The following AATK variants were observed in gnomAD, a reference collection of about 807,000 sequenced individuals.
AATK encodes the protein lemur tail kinase 1.
Under a neutral mutation model 114.3 loss-of-function variants are expected in AATK, and 91 were observed. The ratio of observed to expected loss-of-function variants is 0.80; its 90% CI spans 0.67 to 0.95. The LOEUF is 0.95. Ranked by LOEUF, AATK falls within the 40% of genes least tolerant of loss-of-function variation. The pLI is 0.00. For synonymous variants in AATK, 1,075 were observed against 916.5 expected (o/e 1.17, Z -3.12); for missense variants, 2,176 against 1,965.2 (o/e 1.11, Z -2.03).
At chr17:81,142,917 C>T (rs148950306) in intron 1 of AATK, among the ~76,000 whole-genome samples, 52 of 152,372 alleles carry the variant, frequency 3.4e-4, no homozygotes, top group African/African-American at 1.1e-3. Context: ...ATTTTACACA[C>T]GCAGTGGAAA....
In AATK at chr17:81,120,558, C is replaced by T; in HGVS notation, c.3378G>A (p.Gly1126=). The T allele has an allele frequency of 6.6e-7, 1 of 1,510,192 alleles. No homozygotes were observed. The highest frequency in any genetic ancestry group is 8.9e-7 in the Non-Finnish European group (1 of 1,129,468). 93.5% of individuals were successfully genotyped at this position (1,510,192 alleles called of 1,614,324 possible). A position where few individuals can be genotyped will look rare whatever the true frequency, so the allele number is the denominator to read the frequency against. The change falls in exon 11 of 14, where the codon GGG becomes GGA. Residue 1126 remains glycine (G), a synonymous_variant. Transcript: ENST00000326724. ...EFQGPPGLLS[G]PAPQKRMGGP... is the part of the protein sequence containing the mutation. ...CCCCCATCCGCTTTTGTGGGGCCGG[C>T]CCTGACAACAGTCCTGGGGGCCCCT...
rs535455644 is a variant in AATK at position 81,126,571 on chromosome 17, G to C, written c.622-11C>G. 3.9e-6 allele frequency: 6 copies of C among 1,533,934 alleles called. No homozygotes were observed. The highest frequency in any genetic ancestry group is 5.3e-6 in the Non-Finnish European group (6 of 1,134,112). On this transcript the variant is annotated splice_polypyrimidine_tract_variant and intron_variant, in intron 6 of 13. Transcript: ENST00000326724. The surrounding 1 kb of genome is among the most constrained non-coding windows in gnomAD (Gnocchi z 5.1). Reference sequence around the variant, plus strand: ...GCCCTTGAGGTCCCCCTGCAGAAAGGGGGTGTGGCGCAGTCACCAGCAGGC... The same window carrying C: ...GCCCTTGAGGTCCCCCTGCAGAAAGCGGGTGTGGCGCAGTCACCAGCAGGC...
In AATK at chr17:81,121,570, G is replaced by A. The variant is rs1761627374; in HGVS notation, c.2366C>T (p.Thr789Ile). ...EPKLATEAEG[T>I]TGPRLPLPSV... ...AGGAAGGGGCAGGCGGGGTCCGGTA[G>A]TGCCCTCAGCCTCCGTGGCAAGCTT... Residue 789 changes from threonine to isoleucine, a missense_variant, in exon 11 of 14, where the codon ACT becomes ATT. Transcript: ENST00000326724. 6.6e-7 allele frequency: 1 copy of A among 1,515,166 alleles called. No individual in the cohort carries two copies. The highest frequency in any genetic ancestry group is 1.3e-5 in the South Asian group (1 of 76,320). 93.9% of individuals were successfully genotyped at this position (1,515,166 alleles called of 1,614,324 possible).
In AATK at chr17:81,123,229, G is replaced by C. The variant is rs984767761; in HGVS notation, c.1077C>G (p.Pro359=). The C allele has an allele frequency of 9.1e-6, 13 of 1,424,422 alleles. No individual in the cohort carries two copies. The highest frequency in any genetic ancestry group is 1.1e-5 in the Non-Finnish European group (12 of 1,089,938). 88.2% of individuals were successfully genotyped at this position (1,424,422 alleles called of 1,614,324 possible). ...YTVREQQLKL[P]KPQLQLTLSD... ...ACAGGGTCAGCTGCAGCTGGGGCTT[G>C]GGCAGCTTGAGCTGCTGCTCCCGGA... Residue 359 remains proline, a synonymous_variant, in exon 10 of 14, where the codon CCC becomes CCG. Transcript: ENST00000326724.
At position 81,122,831 on chromosome 17, in the gene AATK, G is replaced by A. The variant is rs1441279147; in HGVS notation, c.1113-8C>T. On this transcript the variant is annotated splice_polypyrimidine_tract_variant and splice_region_variant and intron_variant, in intron 10 of 13. Coordinates refer to ENST00000326724, the MANE Select transcript of AATK (RefSeq NM_001080395.3). ...AACTGCATCACCTCGTACCTGCGAG[G>A]AGGTCCCCCGGGGGCCACGTCAGAG... 2.0e-6 allele frequency: 3 copies of A among 1,500,944 alleles called. No homozygotes were observed. The South Asian group carries it at 3.8e-5, about 19-fold the overall frequency. 93.0% of individuals were successfully genotyped at this position (1,500,944 alleles called of 1,614,324 possible).
At position 81,122,819 on chromosome 17, in the gene AATK, C is replaced by G. The variant is rs778715757; in HGVS notation, c.1117G>C (p.Glu373Gln). 6 of 1,538,434 alleles carry G rather than the reference C, an allele frequency of 3.9e-6. No homozygotes were observed. The highest frequency in any genetic ancestry group is 1.7e-4 in the Middle Eastern group (1 of 5,900). Residue 373 changes from glutamate (E) to glutamine (Q), a missense_variant, in exon 11 of 14, where the codon GAG becomes CAG. Glu to Gln is a conservative substitution (Grantham distance 29). Transcript: ENST00000326724. Reference sequence around the variant, plus strand: ...TGCAGCCAGCAGAACTGCATCACCTCGTACCTGCGAGGAGGTCCCCCGGGG... The same window carrying G: ...TGCAGCCAGCAGAACTGCATCACCTGGTACCTGCGAGGAGGTCCCCCGGGG... ...LQLTLSDRWY[E>Q]VMQFCWLQPE...
chr17:81,158,803 A>AC (rs2061397138), intron 1 of AATK, among the ~76,000 whole-genome samples: 1 of 152,218 alleles, frequency 6.6e-6, no homozygotes, highest in Non-Finnish European at 1.5e-5. Context: ...TTATAAAAAC[A>AC]GCAGCCAGCA....
chr17:81,128,819 G>T (rs2060887397), intron 3 of AATK: 1 of 1,251,180 alleles, frequency 8.0e-7, no homozygotes, highest in South Asian at 1.7e-5. Flanking sequence ...CACTGGGATA[G>T]CCCGGCCAGG....
In AATK at chr17:81,134,330, G is replaced by A. The variant is rs371187361; in HGVS notation, c.189+38C>T. The A allele has an allele frequency of 3.4e-5, 55 of 1,610,350 alleles. 1 individual carries two copies. Among genetic ancestry groups the A allele is most frequent in the Admixed American group, 8.4e-5 (5 of 59,760 alleles). On this transcript the variant is annotated intron_variant, in intron 2 of 13. Transcript: ENST00000326724. ...AGTGGACGCTACAGGCCTTGCCTGC[G>A]GGATCCCACGACAGCTCCCGCGGCC... is the stretch of plus-strand genomic sequence containing the variant.
chr17:81,144,620 G>A (rs912724003), intron 1 of AATK, among the ~76,000 whole-genome samples: 8 of 152,248 alleles, frequency 5.3e-5, no homozygotes, highest in Admixed American at 1.3e-4. Context: ...CATTTCCAGC[G>A]TGGGAGGAGT....
Position 81,127,670 on chromosome 17 carries a change from C to T in AATK, c.534G>A (p.Arg178=). The T allele has an allele frequency of 6.3e-7, 1 of 1,583,028 alleles. No homozygotes were observed. The highest frequency in any genetic ancestry group is 2.3e-5 in the East Asian group (1 of 43,276). Residue 178 remains arginine, a splice_region_variant and synonymous_variant, in exon 6 of 14, where the codon AGG becomes AGA. Coordinates refer to ENST00000326724, the MANE Select transcript of AATK (RefSeq NM_001080395.3). ...MQFLEEVQPY[R]ALKHSNLLQC... ...GGAGCAGGTTGCTGTGCTTCAGGGC[C>T]CTGCGGGAGTGGACAGGCGGCCCCT...
In AATK at chr17:81,122,085, C is replaced by A; in HGVS notation, c.1851G>T (p.Leu617=). Residue 617 remains leucine (L), a synonymous_variant, in exon 11 of 14, where the codon CTG becomes CTT. Transcript: ENST00000326724. ...SRSPSPSAGP[L]SLAEGGAEDA... ...CCTCCGCTCCTCCCTCCGCCAGACT[C>A]AGGGGCCCCGCCGAGGGCGAGGGAG... 1 of 1,579,650 alleles carries A rather than the reference C, an allele frequency of 6.3e-7. No homozygotes were observed. Among genetic ancestry groups the A allele is most frequent in the South Asian group, 1.1e-5 (1 of 88,840 alleles).
At chr17:81,119,614 C>G (rs1456498863) in intron 12 of AATK, 34 bp from the exon 13 acceptor site, 3 of 1,531,496 alleles carry the variant, frequency 2.0e-6, no homozygotes, top group Admixed American at 4.1e-5. Context: ...CTCGCGCTCA[C>G]AGCCTGGGAC....
intron 1 of AATK, among the ~76,000 whole-genome samples, chr17:81,159,709 C>T (rs2061407688): frequency 6.6e-6 from 1 of 151,934 alleles, no homozygotes; most frequent in Admixed American, 6.5e-5. Context: ...GTCGGAGGAT[C>T]CTCACACCGA....
rs750722905 is a variant in AATK, at chr17:81,120,504, G to A, written c.3432C>T (p.Arg1144=). The change falls in exon 11 of 14, where the codon CGC becomes CGT. Residue 1144 remains arginine, a synonymous_variant. Transcript: ENST00000326724. ...GGPGTPRAPL[R]LALPGLPAAL... is the part of the protein sequence containing the mutation. ...CCGCAGGGAGGCCGGGCAGAGCCAG[G>A]CGGAGTGGGGCTCTGGGGGTGCCTG... 29 of 1,491,220 alleles carry A rather than the reference G, an allele frequency of 1.9e-5. No individual in the cohort carries two copies. Among genetic ancestry groups the A allele is most frequent in the Non-Finnish European group, 2.5e-5 (28 of 1,117,342 alleles). The allele number at this position is 1,491,220 out of a possible 1,614,324, so 92.4% of individuals were successfully genotyped here. A position where few individuals can be genotyped will look rare whatever the true frequency, so the allele number is the denominator to read the frequency against.
At chr17:81,144,736 C>A (rs1202619787) in intron 1 of AATK, among the ~76,000 whole-genome samples, 1 of 152,264 alleles carries the variant, frequency 6.6e-6, no homozygotes, top group Non-Finnish European at 1.5e-5. Flanking sequence ...GCTACGAAGT[C>A]CAGCGTGCTG....
At chr17:81,156,959 G>GAC (rs990923766) in intron 1 of AATK, among the ~76,000 whole-genome samples, 1 of 152,056 alleles carries the variant, frequency 6.6e-6, no homozygotes, top group African/African-American at 2.4e-5. Context: ...CAGGCCTCCC[G>GAC]ACACAGGGGA....
At chr17:81,127,195 G>A (rs2060849701) in intron 6 of AATK, among the ~76,000 whole-genome samples, 2 of 152,142 alleles carry the variant, frequency 1.3e-5, no homozygotes, top group Admixed American at 6.5e-5. Context: ...GCAGCCTGGG[G>A]AAGTGGCCAG....
intron 1 of AATK, among the ~76,000 whole-genome samples, chr17:81,143,578 C>A (rs1475834698): frequency 6.6e-6 from 1 of 151,368 alleles, no homozygotes; most frequent in Non-Finnish European, 1.5e-5. Context: ...GCCATGCAGC[C>A]CCGCCTCCCG....
Sources: allele counts gnomAD v4.1 joint callset (sites outside exome capture counted in the v4.1 genomes callset), GRCh38; gene constraint gnomAD v4.1.1; non-coding constraint Gnocchi (gnomAD v3.1); transcripts MANE v1.5; gene names NCBI Gene and HGNC (gene_info 2026-07-23, HGNC 2026-07-21).